IL1RAPL2: variants seen among roughly 807,000 people sequenced by gnomAD.
IL1RAPL2 encodes X-linked interleukin-1 receptor accessory protein-like 2.
Under a neutral mutation model 44.1 loss-of-function variants are expected in IL1RAPL2, and 3 were observed. That is an observed-to-expected ratio of 0.07 (90% CI 0.03 to 0.18). The LOEUF (loss-of-function observed/expected upper bound fraction) is 0.18. Ranked by LOEUF, IL1RAPL2 falls within the 10% of genes least tolerant of loss-of-function variation. The pLI is 1.00. For missense variants in IL1RAPL2, 391 were observed against 496.4 expected, an observed-to-expected ratio of 0.79 and a Z score of 2.02; for synonymous variants, 181 against 178.8, an observed-to-expected ratio of 1.01 and a Z score of -0.10.
rs1931815088 is a variant in IL1RAPL2, at chrX:104,727,267, A to C, written c.82+68272A>C. Among the ~76,000 whole-genome samples the C allele has an allele frequency of 2.7e-5, 3 of 111,291 alleles. 1 individual carries two copies. In the Admixed American group the frequency reaches 2.9e-4, roughly 11 times the overall value. On this transcript the variant is annotated intron_variant, in intron 2 of 10. Coordinates refer to ENST00000372582, the MANE Select transcript of IL1RAPL2 (RefSeq NM_017416.2). ...ACAACAACAAAAACAGCCCCATTAA[A>C]AAGTGGGCAAAGGATGTGAACAGAC... is the stretch of plus-strand genomic sequence containing the variant.
At chrX:105,728,929 A>AG (rs2147563577) in intron 7 of IL1RAPL2, among the ~76,000 whole-genome samples, 1 of 110,915 alleles carries the variant, frequency 9.0e-6, no homozygotes, top group South Asian at 3.8e-4. Context: ...TAGTCTTTAT[A>AG]GTCTTTATAG....
chrX:104,892,317 G>A (rs1426430052), intron 2 of IL1RAPL2, among the ~76,000 whole-genome samples: 7 of 111,963 alleles, frequency 6.3e-5, no homozygotes, highest in Admixed American at 1.9e-4. Context: ...CATAAAATGA[G>A]TTAGGGAAGA....
chrX:105,043,400 A>G (rs1351463875), intron 2 of IL1RAPL2, among the ~76,000 whole-genome samples: 1 of 108,522 alleles, frequency 9.2e-6, no homozygotes, highest in African/African-American at 3.4e-5. Context: ...TCTTCAACAC[A>G]CTTTTTAGGA....
chrX:104,602,315 G>A (rs1205508161), intron 1 of IL1RAPL2, among the ~76,000 whole-genome samples: 4 of 111,638 alleles, frequency 3.6e-5, no homozygotes, highest in Admixed American at 2.8e-4. Context: ...CTCATACCAT[G>A]GTATTCACAA....
intron 6 of IL1RAPL2, among the ~76,000 whole-genome samples, chrX:105,656,304 CAAGT>C (rs1247141333): frequency 1.8e-5 from 2 of 112,001 alleles, no homozygotes; most frequent in African/African-American, 3.2e-5. Context: ...AAAAGAGAAG[CAAGT>C]GAGTTCTACA....
chrX:104,951,314 CAT>C (rs767676690), intron 2 of IL1RAPL2, among the ~76,000 whole-genome samples: 66 of 112,197 alleles, frequency 5.9e-4, no homozygotes, highest in Middle Eastern at 4.6e-3. Context: ...ATTGATATGA[CAT>C]GTGATAAAGC....
chrX:105,178,042 A>G (rs778881376), intron 2 of IL1RAPL2, among the ~76,000 whole-genome samples: 3 of 111,798 alleles, frequency 2.7e-5, no homozygotes, highest in Non-Finnish European at 5.6e-5. Context: ...TTTTAGCTAT[A>G]GTCACCTTAT....
intron 7 of IL1RAPL2, among the ~76,000 whole-genome samples, chrX:105,720,569 G>A (rs900578532): frequency 9.0e-6 from 1 of 111,282 alleles, no homozygotes; most frequent in Non-Finnish European, 1.9e-5. Context: ...ATTCCATTAC[G>A]TGATTATACA....
At chrX:105,122,656 A>G (rs1232963511) in intron 2 of IL1RAPL2, among the ~76,000 whole-genome samples, 2 of 111,986 alleles carry the variant, frequency 1.8e-5, no homozygotes, top group Non-Finnish European at 3.8e-5. Context: ...TTATTTATAA[A>G]TAAAAATCCA....
At chrX:105,568,724 TGGAAAATATCAAC>T (rs1293494718) in intron 6 of IL1RAPL2, among the ~76,000 whole-genome samples, 1 of 112,403 alleles carries the variant, frequency 8.9e-6, no homozygotes, top group African/African-American at 3.2e-5. Flanking sequence ...CATCTCATTG[TGGAAAATATCAAC>T]TGGGTAAGTT....
At chrX:105,204,188 T>G (rs967525115) in intron 3 of IL1RAPL2, among the ~76,000 whole-genome samples, 6 of 111,675 alleles carry the variant, frequency 5.4e-5, no homozygotes, top group Non-Finnish European at 7.5e-5. Context: ...CTAGAGTACA[T>G]TTGAGCATTC....
intron 1 of IL1RAPL2, among the ~76,000 whole-genome samples, chrX:104,655,028 C>G (rs1426654947): frequency 9.0e-6 from 1 of 111,496 alleles, no homozygotes; most frequent in East Asian, 2.8e-4. Flanking sequence ...GATTTTGTGT[C>G]CTGAGACTTT....
chrX:105,392,467 A>G (rs1280169924), intron 5 of IL1RAPL2, among the ~76,000 whole-genome samples: 4 of 111,957 alleles, frequency 3.6e-5, no homozygotes, highest in African/African-American at 1.3e-4. Flanking sequence ...ACCAGGTATA[A>G]TCACCTGGCA....
At position 104,921,641 on chromosome X, in the gene IL1RAPL2, G is replaced by A. The variant is rs1460299686; in HGVS notation, c.82+262646G>A. ...AATGAGATTCGTAGCCTGATCTCTA[G>A]CAGGGGAGGAGCCCTCACTGTCAGA... On this transcript the variant is annotated intron_variant, in intron 2 of 10. Coordinates refer to ENST00000372582, the MANE Select transcript of IL1RAPL2 (RefSeq NM_017416.2). 2.7e-5 allele frequency among the ~76,000 whole-genome samples: 3 copies of A among 112,604 alleles called. No individual in the cohort carries two copies. The East Asian group carries it at 8.4e-4, about 32-fold the overall frequency.
intron 1 of IL1RAPL2, among the ~76,000 whole-genome samples, chrX:104,599,056 A>T (rs1310097506): frequency 9.0e-6 from 1 of 111,633 alleles, no homozygotes; most frequent in East Asian, 2.8e-4. Context: ...ATTTTTGAGG[A>T]TAGTGATAGA....
chrX:105,550,373 CCT>C (rs2036841716), intron 6 of IL1RAPL2, among the ~76,000 whole-genome samples: 2 of 111,911 alleles, frequency 1.8e-5, no homozygotes, highest in African/African-American at 6.5e-5. Context: ...TTAAACATCC[CCT>C]GACTCAATAA....
At chrX:104,881,791 A>C (rs1211159121) in intron 2 of IL1RAPL2, among the ~76,000 whole-genome samples, 1 of 111,923 alleles carries the variant, frequency 8.9e-6, no homozygotes, top group Non-Finnish European at 1.9e-5. Flanking sequence ...GGATATTGGA[A>C]TGAGAAGGTG....
At chrX:104,675,305 T>C (rs1462263223) in intron 2 of IL1RAPL2, among the ~76,000 whole-genome samples, 2 of 111,689 alleles carry the variant, frequency 1.8e-5, no homozygotes, top group East Asian at 5.6e-4. Context: ...TGTGTCTTTG[T>C]TCTCATTGGT....
rs1402179544 is a variant in IL1RAPL2 at position 105,446,966 on chromosome X, A to T, written c.698-37347A>T. 6.1e-5 allele frequency among the ~76,000 whole-genome samples: 6 copies of T among 98,659 alleles called. No individual in the cohort carries two copies. In the Admixed American group the frequency reaches 7.3e-4, roughly 12 times the overall value. 85.7% of individuals were successfully genotyped at this position (98,659 alleles called of 115,157 possible). A position where few individuals can be genotyped will look rare whatever the true frequency, so the allele number is the denominator to read the frequency against. On this transcript the variant is annotated intron_variant, in intron 5 of 10. Transcript: ENST00000372582. ...TGAGGAACTCCCTTTAACATTTATTATAGGGTAGGGCTGGTGTTGATGAAA... is the reference window on the plus strand; with the variant it reads ...TGAGGAACTCCCTTTAACATTTATTTTAGGGTAGGGCTGGTGTTGATGAAA...
Sources: gnomAD v4.1 joint callset for allele counts (sites outside exome capture counted in the v4.1 genomes callset) on GRCh38, gnomAD v4.1.1 for gene constraint, MANE v1.5 for transcripts, NCBI Gene and HGNC (gene_info 2026-07-23, HGNC 2026-07-21) for gene names.